PTPN9: variants seen among roughly 807,000 people sequenced by gnomAD.
The protein encoded by PTPN9 is tyrosine-protein phosphatase non-receptor type 9.
PTPN9 carries 26 observed loss-of-function variants against 69.8 expected under a neutral mutation model. That is an observed-to-expected ratio of 0.37 (90% CI 0.27 to 0.52). The LOEUF is 0.52. PTPN9 is among the 20% of genes least tolerant of loss of function. PTPN9 has a pLI of 0.91. For synonymous variants in PTPN9, 274 were observed against 272.5 expected (o/e 1.01, Z -0.05); for missense variants, 549 against 740.3 (o/e 0.74, Z 3.00).
intron 4 of PTPN9, among the ~76,000 whole-genome samples, chr15:75,520,547 C>T (rs4886712): frequency 0.34 from 51,631 of 149,708 alleles, 10,133 homozygotes; most frequent in African/African-American, 0.53. Context: ...AGACAGAGTT[C>T]GCTTTTGTTG....
intron 1 of PTPN9, among the ~76,000 whole-genome samples, chr15:75,545,952 A>C (rs2075030671): frequency 6.6e-6 from 1 of 152,212 alleles, no homozygotes; most frequent in African/African-American, 2.4e-5. Context: ...TGTCTGAAAA[A>C]ATAGATTAAA....
intron 8 of PTPN9, among the ~76,000 whole-genome samples, chr15:75,486,559 G>A (rs1271108476): frequency 2.0e-5 from 3 of 152,092 alleles, no homozygotes; most frequent in African/African-American, 7.2e-5. Context: ...TCCTGCATGT[G>A]GTATTTTTGT....
intron 1 of PTPN9, among the ~76,000 whole-genome samples, chr15:75,551,818 C>T (rs1217158396): frequency 6.6e-6 from 1 of 151,706 alleles, no homozygotes; most frequent in South Asian, 2.1e-4. Flanking sequence ...GGGCAGATCA[C>T]TTGAGGTCAG....
At chr15:75,502,111 G>T (rs2074775940) in intron 7 of PTPN9, among the ~76,000 whole-genome samples, 1 of 151,842 alleles carries the variant, frequency 6.6e-6, no homozygotes, top group South Asian at 2.1e-4. Context: ...AAGGATAAAA[G>T]AAAAGAAAAG....
chr15:75,530,771 AT>A lies in PTPN9; in HGVS notation c.64-3511del, dbSNP rs1338785181. Among the ~76,000 whole-genome samples, 25 of 78,014 alleles carry A rather than the reference AT, an allele frequency of 3.2e-4. 1 individual carries two copies. Among genetic ancestry groups the A allele is most frequent in the Non-Finnish European group, 5.2e-4 (23 of 44,124 alleles). 51.2% of individuals were successfully genotyped at this position (78,014 alleles called of 152,430 possible). On this transcript the variant is annotated intron_variant, in intron 1 of 12. Coordinates refer to ENST00000618819, the MANE Select transcript of PTPN9 (RefSeq NM_002833.4). ...ATATATAATATAATATATTATTATA[AT>A]TATTATAATATAATATATAATAGAA...
At chr15:75,527,525 G>A (rs2074935103) in intron 1 of PTPN9, among the ~76,000 whole-genome samples, 1 of 151,990 alleles carries the variant, frequency 6.6e-6, no homozygotes, top group East Asian at 1.9e-4. Flanking sequence ...AATGAGGGGG[G>A]AGAAGAGGGA....
chr15:75,534,020 G>C (rs142498998), intron 1 of PTPN9, among the ~76,000 whole-genome samples: 1 of 152,270 alleles, frequency 6.6e-6, no homozygotes, highest in Non-Finnish European at 1.5e-5. Context: ...TGAAATATCA[G>C]TTACCTAGCA....
At position 75,532,514 on chromosome 15, in the gene PTPN9, T is replaced by C. The variant is rs78344891; in HGVS notation, c.64-5253A>G. ...AAAGTACATCTTGCCTTCCTTTTTA[T>C]TAAGCTCAGTTCCTCCAAGGTCCTT... On this transcript the variant is annotated intron_variant, in intron 1 of 12. Coordinates refer to ENST00000618819, the MANE Select transcript of PTPN9 (RefSeq NM_002833.4). 2.3e-4 allele frequency among the ~76,000 whole-genome samples: 35 copies of C among 152,344 alleles called. No homozygotes were observed. In the East Asian group the frequency reaches 6.7e-3, roughly 29 times the overall value.
chr15:75,546,188 A>T (rs1344541545), intron 1 of PTPN9, among the ~76,000 whole-genome samples: 1 of 152,222 alleles, frequency 6.6e-6, no homozygotes, highest in African/African-American at 2.4e-5. Flanking sequence ...TCCCTGGAGA[A>T]ATCCACAAAC....
intron 9 of PTPN9, among the ~76,000 whole-genome samples, chr15:75,475,939 G>A (rs542663796): frequency 1.3e-5 from 2 of 152,298 alleles, no homozygotes; most frequent in South Asian, 2.1e-4. Context: ...AGAAGTTTGA[G>A]ACCAACCTGG....
chr15:75,490,120 T>A (rs779187841), intron 8 of PTPN9, 88 bp downstream of exon 8: 16 of 1,101,562 alleles, frequency 1.5e-5, no homozygotes, highest in Admixed American at 1.1e-4. Flanking sequence ...GAGTCTACTT[T>A]CATTCTACCG....
In PTPN9 at chr15:75,578,823, G is replaced by A; in HGVS notation, c.-47C>T. On this transcript the variant is annotated 5_prime_UTR_variant, in exon 1 of 13. Coordinates refer to ENST00000618819, the MANE Select transcript of PTPN9 (RefSeq NM_002833.4). Reference sequence around the variant, plus strand: ...CGGACAAAACTCGCTCGCGAGCGCGGGAGCCCGGCGCGCTCGGCCTCCGCT... The same window carrying A: ...CGGACAAAACTCGCTCGCGAGCGCGAGAGCCCGGCGCGCTCGGCCTCCGCT... The A allele has an allele frequency of 1.7e-6, 2 of 1,171,662 alleles. No homozygotes were observed. Among genetic ancestry groups the A allele is most frequent in the Non-Finnish European group, 2.1e-6 (2 of 942,646 alleles). 72.6% of individuals were successfully genotyped at this position (1,171,662 alleles called of 1,614,324 possible). A position where few individuals can be genotyped will look rare whatever the true frequency, so the allele number is the denominator to read the frequency against.
rs550807754 is a variant in PTPN9 at position 75,527,955 on chromosome 15, G to C, written c.64-694C>G. Among the ~76,000 whole-genome samples, 15 of 152,274 alleles carry C rather than the reference G, an allele frequency of 9.9e-5. No homozygotes were observed. The South Asian group carries it at 3.1e-3, about 32-fold the overall frequency. ...AATGCAGTGTAGTATAGCAGTCTCA[G>C]CTGCTGCTTTGGTCCCACAAGCCAA... On this transcript the variant is annotated intron_variant, in intron 1 of 12. Transcript: ENST00000618819.
intron 7 of PTPN9, among the ~76,000 whole-genome samples, chr15:75,502,290 T>C (rs2074777188): frequency 6.6e-6 from 1 of 151,876 alleles, no homozygotes; most frequent in African/African-American, 2.4e-5. Flanking sequence ...CTACTAAAAA[T>C]ACAAAAATTA....
At position 75,523,144 on chromosome 15, in the gene PTPN9, G is replaced by A. The variant is rs142284706; in HGVS notation, c.399C>T (p.Tyr133=). 434 of 1,614,128 alleles carry A rather than the reference G, an allele frequency of 2.7e-4. No homozygotes were observed. The highest frequency in any genetic ancestry group is 8.2e-4 in the Middle Eastern group (5 of 6,062). ...VQHVVLQALF[Y]LLDRAVDSFE... ...ACCTATCCACAGCTCTGTCTAGCAA[G>A]TAAAACAGAGCCTGAAGTACCACAT... Residue 133 remains tyrosine (Y), a synonymous_variant, in exon 4 of 13, where the codon TAC becomes TAT. Coordinates refer to ENST00000618819, the MANE Select transcript of PTPN9 (RefSeq NM_002833.4).
At chr15:75,482,122 C>T (rs1280241791) in intron 8 of PTPN9, among the ~76,000 whole-genome samples, 1 of 151,428 alleles carries the variant, frequency 6.6e-6, no homozygotes, top group Admixed American at 6.6e-5. Context: ...AAGAAAAATT[C>T]CTCTGCCTTG....
Position 75,468,603 on chromosome 15 carries a change from T to C in PTPN9, c.*166A>G. 3.4e-6 allele frequency: 2 copies of C among 591,980 alleles called. No homozygotes were observed. The highest frequency in any genetic ancestry group is 4.9e-5 in the South Asian group (2 of 40,598). 36.7% of individuals were successfully genotyped at this position (591,980 alleles called of 1,614,324 possible). A position where few individuals can be genotyped will look rare whatever the true frequency, so the allele number is the denominator to read the frequency against. ...CTTTCTAGTGGCAATTTCACCACAT[T>C]TATCTAGCCAAAGGGAAAGGCTGCC... is the stretch of plus-strand genomic sequence containing the variant. On this transcript the variant is annotated 3_prime_UTR_variant, in exon 13 of 13. Coordinates refer to ENST00000618819, the MANE Select transcript of PTPN9 (RefSeq NM_002833.4).
chr15:75,504,444 C>T (rs1257500885), intron 7 of PTPN9, among the ~76,000 whole-genome samples: 3 of 137,478 alleles, frequency 2.2e-5, no homozygotes, highest in Non-Finnish European at 4.8e-5. Context: ...GGGATCAGCC[C>T]CCCGCCCGGC....
At chr15:75,519,919 A>C (rs913472692) in intron 4 of PTPN9, among the ~76,000 whole-genome samples, 3 of 152,068 alleles carry the variant, frequency 2.0e-5, no homozygotes, top group African/African-American at 7.2e-5. Flanking sequence ...GCTTGAGGCC[A>C]GAAGTTCGAG....
Sources: allele counts gnomAD v4.1 joint callset (sites outside exome capture counted in the v4.1 genomes callset), GRCh38; gene constraint gnomAD v4.1.1; transcripts MANE v1.5; gene names NCBI Gene and HGNC (gene_info 2026-07-23, HGNC 2026-07-21).